The following OSBPL5 variants were observed in gnomAD, a reference collection of about 807,000 sequenced individuals.
OSBPL5 encodes oxysterol-binding protein-related protein 5.
OSBPL5 carries 71 observed loss-of-function variants against 111.2 expected under a neutral mutation model. The ratio of observed to expected loss-of-function variants is 0.64; its 90% CI spans 0.53 to 0.78. The LOEUF (loss-of-function observed/expected upper bound fraction) is 0.78. Ranked by LOEUF, OSBPL5 falls within the 30% of genes least tolerant of loss-of-function variation. The pLI, the probability that OSBPL5 is intolerant of heterozygous loss-of-function variation, is 0.00. For synonymous variants in OSBPL5, 549 were observed against 513.9 expected (o/e 1.07, Z -0.93); for missense variants, 1,210 against 1,189.3 (o/e 1.02, Z -0.26).
rs928174126 is a variant in OSBPL5 at position 3,126,116 on chromosome 11, C to A, written c.219+357G>T. ...CCGCTGGGAAAGGAGTTTGGCAGTT[C>A]CTCCAAAAGTTAAACAGACAATTTT... On this transcript the variant is annotated intron_variant, in intron 3 of 21. Transcript: ENST00000263650. The surrounding 1 kb of genome is among the most constrained non-coding windows in gnomAD (Gnocchi z 6.5). Among the ~76,000 whole-genome samples, 8 of 152,170 alleles carry A rather than the reference C, an allele frequency of 5.3e-5. No homozygotes were observed. Among genetic ancestry groups the A allele is most frequent in the Non-Finnish European group, 1.0e-4 (7 of 68,030 alleles).
At chr11:3,163,284 C>T (rs945577857) in intron 1 of OSBPL5, among the ~76,000 whole-genome samples, 12 of 152,188 alleles carry the variant, frequency 7.9e-5, no homozygotes, top group African/African-American at 2.9e-4. Flanking sequence ...CACACTGTGC[C>T]TGTATGTGTG....
intron 7 of OSBPL5, among the ~76,000 whole-genome samples, chr11:3,111,661 G>T (rs1419106938): frequency 6.6e-6 from 1 of 152,054 alleles, no homozygotes; most frequent in Non-Finnish European, 1.5e-5. Context: ...CCTCTGAAGT[G>T]GCTGAATTCC....
chr11:3,090,673 A>G lies in OSBPL5; in HGVS notation c.2283T>C (p.Leu761=). The G allele has an allele frequency of 6.2e-7, 1 of 1,612,080 alleles. No individual in the cohort carries two copies. Among genetic ancestry groups the G allele is most frequent in the Non-Finnish European group, 8.5e-7 (1 of 1,179,732 alleles). ...RHERSGPDQR[L]RKASDQPSGH... Reference sequence around the variant, plus strand: ...CGGAGGGCTGGTCGCTGGCCTTGCGAAGCCGCTGGTCTGGGCCAGACCTCT... The same window carrying G: ...CGGAGGGCTGGTCGCTGGCCTTGCGGAGCCGCTGGTCTGGGCCAGACCTCT... Residue 761 remains leucine, a synonymous_variant, in exon 20 of 22, where the codon CTT becomes CTC. Coordinates refer to ENST00000263650, the MANE Select transcript of OSBPL5 (RefSeq NM_020896.4).
intron 1 of OSBPL5, among the ~76,000 whole-genome samples, chr11:3,149,381 C>A (rs540036784): frequency 6.6e-6 from 1 of 152,346 alleles, no homozygotes; most frequent in Admixed American, 6.5e-5. Flanking sequence ...GGGGCAAGAT[C>A]TTGCAGTGTA....
chr11:3,103,165 G>T (rs1274485907), intron 11 of OSBPL5, 74 bp downstream of exon 11: 1 of 1,364,008 alleles, frequency 7.3e-7, no homozygotes, highest in African/African-American at 1.5e-5. Context: ...ACTCAGGGAA[G>T]TGCCAAGGGA....
chr11:3,103,439 T>C (rs1287153432), intron 10 of OSBPL5, 119 bp from the exon 11 acceptor site: 13 of 852,212 alleles, frequency 1.5e-5, no homozygotes, highest in Non-Finnish European at 2.2e-5. Flanking sequence ...AACAGGCCAC[T>C]TGGCCCAGGC....
intron 14 of OSBPL5, among the ~76,000 whole-genome samples, chr11:3,097,788 C>T (rs963167710): frequency 5.3e-5 from 8 of 152,124 alleles, no homozygotes; most frequent in Admixed American, 2.6e-4. Flanking sequence ...CAGGCAAGGC[C>T]GAGCGCACTG....
chr11:3,157,458 T>A lies in OSBPL5; in HGVS notation c.-22+7758A>T, dbSNP rs536047144. Among the ~76,000 whole-genome samples the A allele has an allele frequency of 3.9e-5, 6 of 152,292 alleles. No individual in the cohort carries two copies. In the East Asian group the frequency reaches 1.2e-3, roughly 30 times the overall value. On this transcript the variant is annotated intron_variant, in intron 1 of 21. Coordinates refer to ENST00000263650, the MANE Select transcript of OSBPL5 (RefSeq NM_020896.4). ...CTAGCCTAGATGTCTGGTGTCCCAC[T>A]GGTACTGAGGCAGCACCCCGATGGA...
chr11:3,159,907 C>T (rs1846902004), intron 1 of OSBPL5, among the ~76,000 whole-genome samples: 1 of 152,184 alleles, frequency 6.6e-6, no homozygotes, highest in South Asian at 2.1e-4. Flanking sequence ...GTTTAGGAGG[C>T]AAATAAACTC....
At chr11:3,137,657 A>G (rs2134502323) in intron 1 of OSBPL5, among the ~76,000 whole-genome samples, 1 of 152,314 alleles carries the variant, frequency 6.6e-6, no homozygotes, top group South Asian at 2.1e-4. Context: ...TACAAACATA[A>G]AAACAGCCGG....
At chr11:3,112,077 G>GTGCA (rs1564837751) in intron 7 of OSBPL5, among the ~76,000 whole-genome samples, 2 of 98,746 alleles carry the variant, frequency 2.0e-5, no homozygotes, top group African/African-American at 6.8e-5. Context: ...GTGTGTGCAT[G>GTGCA]TGTGTGTGCA....
Position 3,165,310 on chromosome 11 carries a change from T to C in OSBPL5, c.-116A>G, listed in dbSNP as rs957050833. The stretch of plus-strand genomic sequence containing the variant: ...CCTGGCTGCAGGAAATGCCAGCAGA[T>C]GGTCCCCCCGCGCGAGGCGGAGCGA... On this transcript the variant is annotated 5_prime_UTR_variant, in exon 1 of 22. Coordinates refer to ENST00000263650, the MANE Select transcript of OSBPL5 (RefSeq NM_020896.4). The surrounding 1 kb of genome is among the most constrained non-coding windows in gnomAD (Gnocchi z 7.4). 6.6e-6 allele frequency: 1 copy of C among 151,440 alleles called. No homozygotes were observed. Among genetic ancestry groups the C allele is most frequent in the South Asian group, 2.1e-4 (1 of 4,856 alleles). The allele number at this position is 151,440 out of a possible 1,614,324, so 9.4% of individuals were successfully genotyped here. A position where few individuals can be genotyped will look rare whatever the true frequency, so the allele number is the denominator to read the frequency against.
Position 3,107,347 on chromosome 11 carries a change from ACT to A in OSBPL5, c.973_974del (p.Ser325TrpfsTer141). 1 of 1,607,814 alleles carries A rather than the reference ACT, an allele frequency of 6.2e-7. No individual in the cohort carries two copies. The highest frequency in any genetic ancestry group is 8.5e-7 in the Non-Finnish European group (1 of 1,178,112). On this transcript the variant is annotated frameshift_variant, in exon 9 of 22. Coordinates refer to ENST00000263650, the MANE Select transcript of OSBPL5 (RefSeq NM_020896.4). LOFTEE classifies it high-confidence loss of function. This position sits in a 1 kb window ranked among gnomAD's most constrained non-coding sequence, Gnocchi z 6.1. ...ETQDHSRKTESGSDQSETPGA... is the reference protein window; with the variant it reads ...ETQDHSRKTEXGSDQSETPGA... ...CAGGGGTCTCTGACTGGTCGCTGCCACTCTCCGTCTTCCGGCTATGGTCCTGG... is the reference window on the plus strand; with the variant it reads ...CAGGGGTCTCTGACTGGTCGCTGCCACTCCGTCTTCCGGCTATGGTCCTGG...
intron 1 of OSBPL5, among the ~76,000 whole-genome samples, chr11:3,149,490 C>T (rs1437264815): frequency 6.6e-6 from 1 of 152,256 alleles, no homozygotes; most frequent in African/African-American, 2.4e-5. Flanking sequence ...GTGCTTGCCG[C>T]TCCATGAGCT....
At chr11:3,160,054 C>T (rs1220147325) in intron 1 of OSBPL5, among the ~76,000 whole-genome samples, 1 of 152,158 alleles carries the variant, frequency 6.6e-6, no homozygotes, top group Non-Finnish European at 1.5e-5. Flanking sequence ...GCCCTGGCCC[C>T]ACCAGCCCTC....
At chr11:3,112,008 TGCGC>T (rs1491324790) in intron 7 of OSBPL5, among the ~76,000 whole-genome samples, 2 of 134,472 alleles carry the variant, frequency 1.5e-5, no homozygotes, top group African/African-American at 5.2e-5. Flanking sequence ...TGTGTGTGTG[TGCGC>T]GCATGTGTGT....
intron 1 of OSBPL5, among the ~76,000 whole-genome samples, chr11:3,134,579 AG>A (rs1380941114): frequency 1.3e-5 from 2 of 152,140 alleles, no homozygotes; most frequent in Admixed American, 1.3e-4. Flanking sequence ...CGCTCTTCTC[AG>A]TCATGACTTT....
chr11:3,122,316 C>A, intron 4 of OSBPL5, 32 bp downstream of exon 4: 3 of 1,601,494 alleles, frequency 1.9e-6, no homozygotes, highest in Non-Finnish European at 2.6e-6. Context: ...CTGACAGTGA[C>A]ACTGCTGCAC....
rs755007599 is a variant in OSBPL5, at chr11:3,107,322, C to T, written c.1000G>A (p.Gly334Arg). The T allele has an allele frequency of 9.3e-6, 15 of 1,613,828 alleles. No homozygotes were observed. Among genetic ancestry groups the T allele is most frequent in the Non-Finnish European group, 7.6e-6 (9 of 1,179,994 alleles). The change falls in exon 9 of 22, where the codon GGG becomes AGG. Residue 334 changes from glycine to arginine, a missense_variant. Gly to Arg is a moderately radical substitution (Grantham distance 125). Coordinates refer to ENST00000263650, the MANE Select transcript of OSBPL5 (RefSeq NM_020896.4). The surrounding 1 kb of genome is among the most constrained non-coding windows in gnomAD (Gnocchi z 6.1). Reference protein sequence around the residue: ...ESGSDQSETPGAPVRRGTTYV... With the variant: ...ESGSDQSETPRAPVRRGTTYV... ...GTGGTCCCTCTCCGCACCGGGGCCCCAGGGGTCTCTGACTGGTCGCTGCCA... is the reference window on the plus strand; with the variant it reads ...GTGGTCCCTCTCCGCACCGGGGCCCTAGGGGTCTCTGACTGGTCGCTGCCA...
Sources: allele counts gnomAD v4.1 joint callset (sites outside exome capture counted in the v4.1 genomes callset), GRCh38; gene constraint gnomAD v4.1.1; non-coding constraint Gnocchi (gnomAD v3.1); transcripts MANE v1.5; gene names NCBI Gene and HGNC (gene_info 2026-07-23, HGNC 2026-07-21).